Variants in EPAS1 observed in about 807,000 individuals in gnomAD.
The protein encoded by EPAS1 is endothelial PAS domain protein 1, also known as endothelial PAS domain-containing protein 1.
Under a neutral mutation model 87.9 loss-of-function variants are expected in EPAS1, and 23 were observed. The ratio of observed to expected loss-of-function variants is 0.26; its 90% CI spans 0.19 to 0.37. The LOEUF (loss-of-function observed/expected upper bound fraction) is 0.37, where lower values mean the gene tolerates loss of function less well. Among genes scored for constraint, EPAS1 ranks in the 10% least tolerant of loss-of-function variants. The pLI is 1.00. For synonymous variants in EPAS1, 508 were observed against 444.3 expected, an observed-to-expected ratio of 1.14 and a Z score of -1.80; for missense variants, 1,138 against 1,120.7, an observed-to-expected ratio of 1.02 and a Z score of -0.22.
In EPAS1 at chr2:46,385,981, G is replaced by T. The variant is rs1685014805; in HGVS notation, c.*1321G>T. ...TGGAGCCCCGTGGAGCTGGACTGAG[G>T]AGGAGGCTGCACAGCGGGAGAGCAG... On this transcript the variant is annotated 3_prime_UTR_variant, in exon 16 of 16. Transcript: ENST00000263734. 3.9e-5 allele frequency: 6 copies of T among 152,596 alleles called. No homozygotes were observed. The South Asian group carries it at 1.2e-3, about 32-fold the overall frequency. 9.5% of individuals were successfully genotyped at this position (152,596 alleles called of 1,614,324 possible). A position where few individuals can be genotyped will look rare whatever the true frequency, so the allele number is the denominator to read the frequency against.
intron 3 of EPAS1, 32 bp from the exon 4 acceptor site, chr2:46,356,692 A>C: frequency 6.6e-7 from 1 of 1,518,424 alleles, no homozygotes; most frequent in Non-Finnish European, 9.2e-7. Flanking sequence ...CACTGTTAGG[A>C]ATAATGATGC....
chr2:46,328,611 A>G (rs1683611455), intron 1 of EPAS1, among the ~76,000 whole-genome samples: 1 of 152,144 alleles, frequency 6.6e-6, no homozygotes, highest in Non-Finnish European at 1.5e-5. Context: ...CCAGTACAGA[A>G]CCCAGAAGTC....
intron 14 of EPAS1, 60 bp downstream of exon 14, chr2:46,382,149 G>C: frequency 2.0e-6 from 3 of 1,493,290 alleles, no homozygotes; most frequent in Non-Finnish European, 2.8e-6. Flanking sequence ...CTGGGGCTCG[G>C]GAGCCCATCC....
chr2:46,297,869 C>T lies in EPAS1; in HGVS notation c.-43C>T. ...CACAGCCCCCCACCCGCCAGGGAGC[C>T]CAGGTGCTCGGCGTCTGAACGTCTC... On this transcript the variant is annotated 5_prime_UTR_variant, in exon 1 of 16. Coordinates refer to ENST00000263734, the MANE Select transcript of EPAS1 (RefSeq NM_001430.5). 4.4e-6 allele frequency: 7 copies of T among 1,602,692 alleles called. No individual in the cohort carries two copies. Among genetic ancestry groups the T allele is most frequent in the South Asian group, 1.1e-5 (1 of 89,710 alleles).
In EPAS1 at chr2:46,360,978, A is replaced by C. The variant is rs1463199855; in HGVS notation, c.667A>C (p.Ile223Leu). ...GYKEPLLSCLIIMCEPIQHPS... is the reference protein window; with the variant it reads ...GYKEPLLSCLLIMCEPIQHPS... Reference sequence around the variant, plus strand: ...CAAGGAGCCCCTGCTGTCCTGCCTCATCATCATGTGTGAACCAATCCAGCA... The same window carrying C: ...CAAGGAGCCCCTGCTGTCCTGCCTCCTCATCATGTGTGAACCAATCCAGCA... The change falls in exon 6 of 16, where the codon ATC becomes CTC. Residue 223 changes from isoleucine to leucine, a missense_variant. Physicochemically the swap from Ile to Leu is conservative, Grantham distance 5. This residue lies in a region of EPAS1 where 351 missense variants were observed against 417.1 expected (regional missense o/e 0.84). Coordinates refer to ENST00000263734, the MANE Select transcript of EPAS1 (RefSeq NM_001430.5). The surrounding 1 kb of genome is among the most constrained non-coding windows in gnomAD (Gnocchi z 4.5). The C allele has an allele frequency of 2.0e-5, 33 of 1,614,028 alleles. No homozygotes were observed. Among genetic ancestry groups the C allele is most frequent in the Non-Finnish European group, 2.7e-5 (32 of 1,180,026 alleles).
chr2:46,324,179 T>G (rs4245810), intron 1 of EPAS1, among the ~76,000 whole-genome samples: 94,618 of 152,014 alleles, frequency 0.62, 30,641 homozygotes, highest in East Asian at 0.97. Flanking sequence ...CCATTCTCCT[T>G]CCTCACCCTC....
At chr2:46,349,638 G>T (rs1471899036) in intron 2 of EPAS1, among the ~76,000 whole-genome samples, 2 of 152,234 alleles carry the variant, frequency 1.3e-5, no homozygotes, top group East Asian at 3.8e-4. Flanking sequence ...TGGCCATGTG[G>T]TCCTGATGTC....
rs978754099 is a variant in EPAS1, at chr2:46,384,372, G to T, written c.2462-137G>T. 22 of 1,240,618 alleles carry T rather than the reference G, an allele frequency of 1.8e-5. No individual in the cohort carries two copies. In the African/African-American group the frequency reaches 3.1e-4, roughly 17 times the overall value. The allele number at this position is 1,240,618 out of a possible 1,614,324, so 76.9% of individuals were successfully genotyped here. ...GACACGTTCCCCGGGCATGCAGCAG[G>T]CCGTGGGACAGACACCACTGAAGGA... On this transcript the variant is annotated intron_variant, in intron 15 of 15. Transcript: ENST00000263734.
chr2:46,382,727 A>G (rs1350214417), intron 15 of EPAS1, 129 bp downstream of exon 15: 7 of 1,230,604 alleles, frequency 5.7e-6, no homozygotes, highest in Middle Eastern at 2.3e-4. Flanking sequence ...TCACCTATAC[A>G]GGGCTCAGGT....
intron 1 of EPAS1, among the ~76,000 whole-genome samples, chr2:46,308,996 G>A (rs1452588128): frequency 6.6e-6 from 1 of 152,182 alleles, no homozygotes; most frequent in Non-Finnish European, 1.5e-5. Context: ...CCACTCAAGT[G>A]GTAAGCCCTT....
rs1170228795 is a variant in EPAS1 at position 46,300,017 on chromosome 2, T to C, written c.26+2080T>C. On this transcript the variant is annotated intron_variant, in intron 1 of 15. Coordinates refer to ENST00000263734, the MANE Select transcript of EPAS1 (RefSeq NM_001430.5). The surrounding 1 kb of genome is among the most constrained non-coding windows in gnomAD (Gnocchi z 4.1). ...GCCCTCTTCGACCTGCCTGGATTTT[T>C]GTGCTGCAGAATGGCAGGGCAAACA... Among the ~76,000 whole-genome samples, 3 of 152,264 alleles carry C rather than the reference T, an allele frequency of 2.0e-5. No homozygotes were observed. The highest frequency in any genetic ancestry group is 4.4e-5 in the Non-Finnish European group (3 of 68,046).
At chr2:46,331,757 G>A (rs1312499878) in intron 1 of EPAS1, among the ~76,000 whole-genome samples, 1 of 151,866 alleles carries the variant, frequency 6.6e-6, no homozygotes, top group Non-Finnish European at 1.5e-5. Context: ...ACACAGCTGA[G>A]AGACTACTCA....
At chr2:46,298,772 C>A (rs1384035887) in intron 1 of EPAS1, among the ~76,000 whole-genome samples, 1 of 152,236 alleles carries the variant, frequency 6.6e-6, no homozygotes, top group Non-Finnish European at 1.5e-5. Context: ...CTCGCCCTCT[C>A]CCGGCCGCTC....
In EPAS1 at chr2:46,380,520, C is replaced by T. The variant is rs1400693891; in HGVS notation, c.1848C>T (p.Ser616=). The T allele has an allele frequency of 1.2e-6, 2 of 1,614,204 alleles. No homozygotes were observed. The highest frequency in any genetic ancestry group is 1.1e-5 in the South Asian group (1 of 91,086). Residue 616 remains serine, a synonymous_variant, in exon 12 of 16, where the codon TCC becomes TCT. Transcript: ENST00000263734. This position sits in a 1 kb window ranked among gnomAD's most constrained non-coding sequence, Gnocchi z 4.4. ...TCTTTGATGCCGGAAGCAAAGCATC[C>T]CTGCCACCGTGCTGTGGCCAGGCCA... ...SIFFDAGSKA[S]LPPCCGQAST...
intron 1 of EPAS1, among the ~76,000 whole-genome samples, chr2:46,328,124 A>G (rs12613526): frequency 0.56 from 85,827 of 151,996 alleles, 24,875 homozygotes; most frequent in East Asian, 0.97. Flanking sequence ...TGGCTTACAC[A>G]GGTAAAAAAG....
Position 46,385,899 on chromosome 2 carries a change from A to G in EPAS1, c.*1239A>G, listed in dbSNP as rs11539645. 6,372 of 152,196 alleles carry G rather than the reference A, an allele frequency of 0.042. 191 individuals carry two copies. The highest frequency in any genetic ancestry group is 0.067 in the Non-Finnish European group (4,589 of 68,004). The allele number at this position is 152,196 out of a possible 1,614,324, so 9.4% of individuals were successfully genotyped here. ...GATGGTTTAGACGGGAATTCATGCAAATGAGGGGTCAAAAATGGTATAGTG... is the reference window on the plus strand; with the variant it reads ...GATGGTTTAGACGGGAATTCATGCAGATGAGGGGTCAAAAATGGTATAGTG... On this transcript the variant is annotated 3_prime_UTR_variant, in exon 16 of 16. Transcript: ENST00000263734.
At position 46,375,315 on chromosome 2, in the gene EPAS1, A is replaced by C. The variant is rs1158807617; in HGVS notation, c.887-375A>C. Among the ~76,000 whole-genome samples the C allele has an allele frequency of 6.6e-6, 1 of 151,722 alleles. No homozygotes were observed. The highest frequency in any genetic ancestry group is 6.6e-5 in the Admixed American group (1 of 15,252). On this transcript the variant is annotated intron_variant, in intron 7 of 15. Transcript: ENST00000263734. This position sits in a 1 kb window ranked among gnomAD's most constrained non-coding sequence, Gnocchi z 4.1. ...GTGTGAAGGGGCTTCTTCTCATTGA[A>C]CCCCATGAAGAAAGTAAGGCAGGTT...
intron 1 of EPAS1, among the ~76,000 whole-genome samples, chr2:46,331,726 C>A (rs1683678112): frequency 6.6e-6 from 1 of 152,180 alleles, no homozygotes; most frequent in Admixed American, 6.5e-5. Flanking sequence ...CCAACCGGCA[C>A]CGAAATTCAG....
At chr2:46,378,219 A>T (rs1364857489) in intron 10 of EPAS1, 132 bp downstream of exon 10, 1 of 1,425,600 alleles carries the variant, frequency 7.0e-7, no homozygotes, top group East Asian at 2.5e-5. Flanking sequence ...AGTGGCCGTG[A>T]CACTTACCTA....
Sources: allele counts gnomAD v4.1 joint callset (sites outside exome capture counted in the v4.1 genomes callset), GRCh38; gene constraint gnomAD v4.1.1; regional missense constraint gnomAD v4.1.1; non-coding constraint Gnocchi (gnomAD v3.1); transcripts MANE v1.5; gene names NCBI Gene and HGNC (gene_info 2026-07-23, HGNC 2026-07-21).